The following MCTP1 variants were observed in gnomAD, a reference collection of about 807,000 sequenced individuals.
MCTP1 encodes multiple C2 and transmembrane domain containing 1.
Under a neutral mutation model 120.6 loss-of-function variants are expected in MCTP1, and 69 were observed. The ratio of observed to expected loss-of-function variants is 0.57; its 90% CI spans 0.47 to 0.70. The LOEUF is 0.70. Among genes scored for constraint, MCTP1 ranks in the 30% least tolerant of loss-of-function variants. MCTP1 has a pLI of 0.00. For synonymous variants in MCTP1, 529 were observed against 493.1 expected (o/e 1.07, Z -0.96); for missense variants, 1,203 against 1,248.8 (o/e 0.96, Z 0.55).
At chr5:95,276,706 T>C (rs552441132) in intron 1 of MCTP1, among the ~76,000 whole-genome samples, 1 of 151,430 alleles carries the variant, frequency 6.6e-6, no homozygotes, top group African/African-American at 2.4e-5. Context: ...TCCCAGCACT[T>C]TGGGAGGCGG....
intron 5 of MCTP1, among the ~76,000 whole-genome samples, chr5:94,937,052 A>G (rs1209787622): frequency 1.3e-5 from 2 of 152,104 alleles, no homozygotes; most frequent in African/African-American, 4.8e-5. Context: ...AGGAAGTACA[A>G]GGATGTTCAC....
At chr5:94,809,268 C>A (rs1425785969) in intron 17 of MCTP1, among the ~76,000 whole-genome samples, 1 of 151,472 alleles carries the variant, frequency 6.6e-6, no homozygotes, top group African/African-American at 2.4e-5. Flanking sequence ...TTTCAGCTTA[C>A]AAGTTGTACT....
intron 19 of MCTP1, among the ~76,000 whole-genome samples, chr5:94,757,021 C>T (rs957070160): frequency 1.3e-5 from 2 of 152,074 alleles, no homozygotes; most frequent in Non-Finnish European, 2.9e-5. Context: ...CTTCTAATTT[C>T]GGCCTTTGTT....
intron 1 of MCTP1, among the ~76,000 whole-genome samples, chr5:95,160,366 G>A (rs539552857): frequency 1.3e-5 from 2 of 152,156 alleles, no homozygotes; most frequent in Non-Finnish European, 2.9e-5. Context: ...ACAATTACTA[G>A]TTTCTAATTT....
intron 18 of MCTP1, among the ~76,000 whole-genome samples, chr5:94,785,786 T>TA (rs1424801246): frequency 6.6e-6 from 1 of 152,172 alleles, no homozygotes; most frequent in African/African-American, 2.4e-5. Context: ...ACACATTATT[T>TA]AAAAAAATTT....
intron 1 of MCTP1, among the ~76,000 whole-genome samples, chr5:95,019,351 G>GTAT (rs1209424960): frequency 6.6e-6 from 1 of 151,952 alleles, no homozygotes; most frequent in Non-Finnish European, 1.5e-5. Context: ...ACCACGCTGT[G>GTAT]TATTGGATCC....
intron 1 of MCTP1, among the ~76,000 whole-genome samples, chr5:95,067,130 G>A (rs1195022823): frequency 6.6e-6 from 1 of 151,966 alleles, no homozygotes; most frequent in East Asian, 1.9e-4. Flanking sequence ...CCAGATGCTG[G>A]GGAGGGGTGG....
rs191058317 is a variant in MCTP1 at position 95,014,797 on chromosome 5, G to C, written c.838+2570C>G. Among the ~76,000 whole-genome samples the C allele has an allele frequency of 2.4e-3, 372 of 152,190 alleles. 2 individuals are homozygous for C. Among genetic ancestry groups the C allele is most frequent in the Admixed American group, 4.2e-3 (64 of 15,274 alleles). On this transcript the variant is annotated intron_variant, in intron 2 of 22. Coordinates refer to ENST00000515393, the MANE Select transcript of MCTP1 (RefSeq NM_024717.7). ...CAATTTTGAAAGATGCTCTACTGTG[G>C]GTAAAGTACTATCAAACAGCATCTC...
At chr5:95,041,766 C>T (rs1427195721) in intron 1 of MCTP1, among the ~76,000 whole-genome samples, 1 of 152,170 alleles carries the variant, frequency 6.6e-6, no homozygotes, top group African/African-American at 2.4e-5. Flanking sequence ...ATATAGCTTT[C>T]TCCATCCCAG....
intron 1 of MCTP1, among the ~76,000 whole-genome samples, chr5:95,188,678 T>C (rs536903873): frequency 2.6e-5 from 4 of 152,064 alleles, no homozygotes; most frequent in Non-Finnish European, 5.9e-5. Context: ...TTTCCAGGGG[T>C]TGGGGATGGA....
chr5:94,749,351 G>A lies in MCTP1; in HGVS notation c.2610+29759C>T, dbSNP rs181128306. Among the ~76,000 whole-genome samples, 94 of 152,162 alleles carry A rather than the reference G, an allele frequency of 6.2e-4. 1 individual carries two copies. The highest frequency in any genetic ancestry group is 2.2e-3 in the African/African-American group (91 of 41,538). On this transcript the variant is annotated intron_variant, in intron 19 of 22. Coordinates refer to ENST00000515393, the MANE Select transcript of MCTP1 (RefSeq NM_024717.7). ...TGGAACCTACTTTTGAAGAATGAAA[G>A]AAATATTTAAAACATCTTATCGGCC...
intron 1 of MCTP1, among the ~76,000 whole-genome samples, chr5:95,069,210 C>A (rs1036891220): frequency 2.0e-5 from 3 of 152,182 alleles, no homozygotes; most frequent in African/African-American, 7.2e-5. Flanking sequence ...CAAGGACTGT[C>A]AAATTATTGG....
rs545736971 is a variant in MCTP1, at chr5:95,094,818, G to A, written c.721-77334C>T. Among the ~76,000 whole-genome samples, 25 of 151,884 alleles carry A rather than the reference G, an allele frequency of 1.6e-4. 1 individual carries two copies. In the East Asian group the frequency reaches 3.9e-3, roughly 24 times the overall value. On this transcript the variant is annotated intron_variant, in intron 1 of 22. Coordinates refer to ENST00000515393, the MANE Select transcript of MCTP1 (RefSeq NM_024717.7). The stretch of plus-strand genomic sequence containing the variant: ...TACTATTAGCTATTATAATTTCTGA[G>A]AATTTCAAGATTTTCTGTTAATATA...
intron 1 of MCTP1, among the ~76,000 whole-genome samples, chr5:95,166,596 T>A (rs1746402096): frequency 7.2e-6 from 1 of 139,280 alleles, no homozygotes; most frequent in Admixed American, 7.8e-5. Flanking sequence ...TGAGATGGAG[T>A]CTCACTCGTC....
At chr5:94,850,533 G>T (rs966593793) in intron 17 of MCTP1, among the ~76,000 whole-genome samples, 1 of 152,088 alleles carries the variant, frequency 6.6e-6, no homozygotes, top group Admixed American at 6.6e-5. Flanking sequence ...TTTATATAAT[G>T]GCATGTAAGT....
chr5:94,836,000 T>A (rs1789656221), intron 17 of MCTP1, among the ~76,000 whole-genome samples: 1 of 151,214 alleles, frequency 6.6e-6, no homozygotes, highest in African/African-American at 2.4e-5. Flanking sequence ...CGAGACTCCA[T>A]CTCAAAACAA....
intron 19 of MCTP1, among the ~76,000 whole-genome samples, chr5:94,774,836 C>T (rs570058623): frequency 1.3e-5 from 2 of 152,298 alleles, no homozygotes; most frequent in South Asian, 4.1e-4. Flanking sequence ...TCTCCAAAGC[C>T]TTAATCTTTT....
At chr5:94,956,781 A>C (rs2153545477) in intron 2 of MCTP1, among the ~76,000 whole-genome samples, 1 of 152,352 alleles carries the variant, frequency 6.6e-6, no homozygotes, top group South Asian at 2.1e-4. Flanking sequence ...AAGAGACCAA[A>C]CCTACGTTTG....
At chr5:95,272,735 T>C (rs2152734367) in intron 1 of MCTP1, among the ~76,000 whole-genome samples, 1 of 152,340 alleles carries the variant, frequency 6.6e-6, no homozygotes, top group South Asian at 2.1e-4. Context: ...CCTTCTGTCT[T>C]ATTCTGCTGA....
Sources: allele counts gnomAD v4.1 joint callset (sites outside exome capture counted in the v4.1 genomes callset), GRCh38; gene constraint gnomAD v4.1.1; transcripts MANE v1.5; gene names NCBI Gene and HGNC (gene_info 2026-07-23, HGNC 2026-07-21).